STPG2: variants seen among roughly 807,000 people sequenced by gnomAD.
STPG2 encodes sperm-tail PG-rich repeat-containing protein 2.
STPG2 carries 56 observed loss-of-function variants against 54.2 expected under a neutral mutation model. The observed-to-expected ratio is 1.03, with a 90% CI of 0.83 to 1.29. The LOEUF is 1.29. Ranked by LOEUF, STPG2 falls within the 50% of genes most tolerant of loss-of-function variation. The probability of loss-of-function intolerance (pLI) is 0.00; values close to 1 mark genes in which losing one functional copy is unlikely to be tolerated. For synonymous variants in STPG2, 200 were observed against 181.8 expected (o/e 1.10, Z -0.81); for missense variants, 596 against 544.9 (o/e 1.09, Z -0.93).
At chr4:97,916,914 AGGTTG>A (rs1489220073) in intron 8 of STPG2, 2 of 152,760 alleles carry the variant, frequency 1.3e-5, no homozygotes, top group African/African-American at 4.8e-5. Flanking sequence ...CAATTTCTCC[AGGTTG>A]GGTATGGGCC....
At chr4:97,795,468 T>C (rs1578570823) in intron 9 of STPG2, among the ~76,000 whole-genome samples, 3 of 152,190 alleles carry the variant, frequency 2.0e-5, no homozygotes, top group Non-Finnish European at 4.4e-5. Context: ...GTCCTTGTGA[T>C]AGTTTGCTGA....
intron 7 of STPG2, among the ~76,000 whole-genome samples, chr4:97,949,343 A>T (rs1733372609): frequency 6.6e-6 from 1 of 152,110 alleles, no homozygotes; most frequent in Admixed American, 6.6e-5. Flanking sequence ...AAGACCAAAG[A>T]TATCTAGTTT....
At chr4:97,564,768 C>G (rs1486162543) in intron 10 of STPG2, among the ~76,000 whole-genome samples, 1 of 152,226 alleles carries the variant, frequency 6.6e-6, no homozygotes, top group Non-Finnish European at 1.5e-5. Flanking sequence ...GGCCCTCACT[C>G]TCTACTGGCT....
chr4:97,553,871 G>A (rs1203040100), intron 4 of STPG2, among the ~76,000 whole-genome samples: 1 of 152,114 alleles, frequency 6.6e-6, no homozygotes, highest in East Asian at 1.9e-4. Context: ...ACAATGATAA[G>A]CTGTTTTTCT....
chr4:98,035,660 G>A (rs202042506), intron 5 of STPG2, among the ~76,000 whole-genome samples: 199 of 140,046 alleles, frequency 1.4e-3, no homozygotes, highest in South Asian at 3.5e-3. Context: ...TGTTTATTGC[G>A]GCATTGTTCA....
chr4:97,856,402 A>AT (rs1164326270), intron 8 of STPG2, among the ~76,000 whole-genome samples: 2 of 152,024 alleles, frequency 1.3e-5, no homozygotes, highest in East Asian at 1.9e-4. Context: ...ATTCCTAGGT[A>AT]TTTTATTCCC....
At chr4:98,079,605 C>T (rs1206766575) in intron 5 of STPG2, among the ~76,000 whole-genome samples, 1 of 152,108 alleles carries the variant, frequency 6.6e-6, no homozygotes, top group East Asian at 1.9e-4. Context: ...AACAATATTA[C>T]TATTGTTTAT....
chr4:97,939,035 T>G (rs915204658), intron 8 of STPG2, among the ~76,000 whole-genome samples: 1 of 152,186 alleles, frequency 6.6e-6, no homozygotes, highest in African/African-American at 2.4e-5. Context: ...TTCAAATAAC[T>G]TCTTGATTTC....
At chr4:97,694,034 T>G (rs1279006176) in intron 10 of STPG2, among the ~76,000 whole-genome samples, 1 of 152,064 alleles carries the variant, frequency 6.6e-6, no homozygotes, top group Non-Finnish European at 1.5e-5. Flanking sequence ...AGAAAGTTCA[T>G]AGCATCAAAC....
intron 4 of STPG2, among the ~76,000 whole-genome samples, chr4:97,486,279 A>C (rs1730355784): frequency 6.6e-6 from 1 of 151,912 alleles, no homozygotes; most frequent in East Asian, 1.9e-4. Flanking sequence ...TACATCTGAC[A>C]AAGGACTAAT....
intron 7 of STPG2, among the ~76,000 whole-genome samples, chr4:97,948,955 T>C (rs1733356741): frequency 6.6e-6 from 1 of 152,012 alleles, no homozygotes. Flanking sequence ...TTAAGACCAT[T>C]GTTTCTTTGT....
rs111314050 is a variant in STPG2, at chr4:97,859,699, G to A, written c.1045-18767C>T. Among the ~76,000 whole-genome samples the A allele has an allele frequency of 5.7e-3, 870 of 152,068 alleles. 5 individuals are homozygous for A. The highest frequency in any genetic ancestry group is 0.02 in the Middle Eastern group (6 of 294). ...AGGCTGGTCTTGAAATCCTGACCTC[G>A]TGATCCGCCAACTTGGCCTCCCAAA... On this transcript the variant is annotated intron_variant, in intron 8 of 10. Transcript: ENST00000295268.
At chr4:97,800,547 C>T (rs542766301) in intron 9 of STPG2, among the ~76,000 whole-genome samples, 7 of 152,302 alleles carry the variant, frequency 4.6e-5, no homozygotes, top group South Asian at 4.1e-4. Context: ...CTGGAAGCTT[C>T]GTCTCAGAGT....
chr4:98,116,726 T>TA (rs2110151455), intron 3 of STPG2, among the ~76,000 whole-genome samples: 1 of 151,830 alleles, frequency 6.6e-6, no homozygotes, highest in East Asian at 1.9e-4. Context: ...AGGTATGTCA[T>TA]AGAGAGAGAG....
At chr4:97,773,334 T>A (rs1045606449) in intron 9 of STPG2, among the ~76,000 whole-genome samples, 5 of 152,202 alleles carry the variant, frequency 3.3e-5, no homozygotes, top group East Asian at 1.9e-4. Flanking sequence ...TATTATTATT[T>A]TTACAGACAG....
intron 5 of STPG2, among the ~76,000 whole-genome samples, chr4:98,034,804 A>G (rs1313233330): frequency 2.0e-5 from 3 of 152,166 alleles, no homozygotes; most frequent in Non-Finnish European, 4.4e-5. Context: ...CACATCTACA[A>G]CCATCTGATC....
At chr4:97,509,945 C>T (rs940572632) in intron 4 of STPG2, among the ~76,000 whole-genome samples, 1 of 151,962 alleles carries the variant, frequency 6.6e-6, no homozygotes, top group Non-Finnish European at 1.5e-5. Flanking sequence ...CTACTAAGCA[C>T]CCCCACCAAC....
intron 8 of STPG2, among the ~76,000 whole-genome samples, chr4:97,910,663 C>T (rs950266000): frequency 1.3e-5 from 2 of 151,840 alleles, no homozygotes; most frequent in Non-Finnish European, 1.5e-5. Context: ...ATGTATAGAA[C>T]GCATTTCAAA....
intron 3 of STPG2, among the ~76,000 whole-genome samples, chr4:98,127,438 C>G (rs567615661): frequency 4.6e-5 from 7 of 152,094 alleles, no homozygotes; most frequent in South Asian, 2.1e-4. Context: ...TGTCTAAGCC[C>G]AAAGATGTAG....
Sources: allele counts gnomAD v4.1 joint callset (sites outside exome capture counted in the v4.1 genomes callset), GRCh38; gene constraint gnomAD v4.1.1; transcripts MANE v1.5; gene names NCBI Gene and HGNC (gene_info 2026-07-23, HGNC 2026-07-21).